Variants in PPIP5K2 observed in about 807,000 individuals in gnomAD.
PPIP5K2 encodes the protein diphosphoinositol pentakisphosphate kinase 2.
A neutral mutation model predicts 154.6 loss-of-function variants in PPIP5K2; 105 were observed. The observed-to-expected ratio is 0.68, with a 90% CI of 0.58 to 0.80. PPIP5K2 has a LOEUF of 0.80. Among genes scored for constraint, PPIP5K2 ranks in the 30% least tolerant of loss-of-function variants. The pLI is 0.00. For synonymous variants in PPIP5K2, 480 were observed against 490.3 expected (o/e 0.98, Z 0.28); for missense variants, 992 against 1,504.6 (o/e 0.66, Z 5.64).
At chr5:103,128,386 CTTATTTAT>C (rs10607990) in intron 1 of PPIP5K2, among the ~76,000 whole-genome samples, 5,644 of 148,366 alleles carry the variant, frequency 0.038, 348 homozygotes, top group African/African-American at 0.13. Context: ...TCTTATAGTT[CTTATTTAT>C]TTATTTATTT....
intron 5 of PPIP5K2, among the ~76,000 whole-genome samples, chr5:103,142,448 T>C (rs532571401): frequency 6.6e-6 from 1 of 151,356 alleles, no homozygotes; most frequent in Non-Finnish European, 1.5e-5. Context: ...CCTGAGGGAG[T>C]GGGCTCCAGC....
intron 17 of PPIP5K2, among the ~76,000 whole-genome samples, chr5:103,160,212 AGT>A (rs565685130): frequency 1.4e-4 from 21 of 152,304 alleles, no homozygotes; most frequent in African/African-American, 5.1e-4. Flanking sequence ...TATTGTGAAC[AGT>A]GTTACAATAA....
At position 103,184,735 on chromosome 5, in the gene PPIP5K2, C is replaced by A. The variant is rs1450067914; in HGVS notation, c.3160C>A (p.Pro1054Thr). 7 of 1,611,086 alleles carry A rather than the reference C, an allele frequency of 4.3e-6. No individual in the cohort carries two copies. The highest frequency in any genetic ancestry group is 1.7e-4 in the Middle Eastern group (1 of 6,050). Residue 1054 changes from proline (P) to threonine (T), a missense_variant, in exon 26 of 31, where the codon CCT becomes ACT. Transcript: ENST00000358359. The part of the protein sequence containing the change: ...PRTLVEQKQN[P>T]TVGSHCAGLF... ...AACTCTTGTGGAACAGAAGCAGAATCCTACTGTAGGTATGTGGTGTAAAGG... is the reference window on the plus strand; with the variant it reads ...AACTCTTGTGGAACAGAAGCAGAATACTACTGTAGGTATGTGGTGTAAAGG...
At chr5:103,161,783 C>A (rs1434124652) in intron 17 of PPIP5K2, among the ~76,000 whole-genome samples, 1 of 151,910 alleles carries the variant, frequency 6.6e-6, no homozygotes, top group African/African-American at 2.4e-5. Flanking sequence ...ATCCTTCACC[C>A]ACTTTTTGAT....
intron 21 of PPIP5K2, chr5:103,177,043 T>A: frequency 1.8e-6 from 1 of 565,696 alleles, no homozygotes; most frequent in Non-Finnish European, 2.9e-6. Context: ...ATGGCATTCC[T>A]GTTATAGGAT....
Position 103,133,531 on chromosome 5 carries a change from G to C in PPIP5K2, c.193G>C (p.Glu65Gln), listed in dbSNP as rs1554203274. 6.2e-7 allele frequency: 1 copy of C among 1,612,578 alleles called. No individual in the cohort carries two copies. Among genetic ancestry groups the C allele is most frequent in the Non-Finnish European group, 8.5e-7 (1 of 1,179,548 alleles). Residue 65 changes from glutamate to glutamine, a missense_variant, in exon 3 of 31, where the codon GAA becomes CAA. Physicochemically the swap from Glu to Gln is conservative, Grantham distance 29. Coordinates refer to ENST00000358359, the MANE Select transcript of PPIP5K2 (RefSeq NM_001276277.3). ...SKSKPMKEILERISLFKYITV... is the reference protein window; with the variant it reads ...SKSKPMKEILQRISLFKYITV... ...ATCCAAACCAATGAAGGAAATTCTT[G>C]AACGGATCTCCTTATTTAAATATAT...
chr5:103,204,311 T>C lies in PPIP5K2; in HGVS notation c.*2677T>C, dbSNP rs1450059304. On this transcript the variant is annotated 3_prime_UTR_variant, in exon 31 of 31. Transcript: ENST00000358359. ...ATCATTTTATCCTTGCCTTACTATC[T>C]GGACAGTGTAGACTGCCTATATTCT... 6.7e-6 allele frequency: 1 copy of C among 148,640 alleles called. No individual in the cohort carries two copies. The highest frequency in any genetic ancestry group is 1.5e-5 in the Non-Finnish European group (1 of 67,274). The allele number at this position is 148,640 out of a possible 1,614,324, so 9.2% of individuals were successfully genotyped here. A position where few individuals can be genotyped will look rare whatever the true frequency, so the allele number is the denominator to read the frequency against.
Position 103,158,516 on chromosome 5 carries a change from C to T in PPIP5K2, c.1680C>T (p.Leu560=), listed in dbSNP as rs782513775. 3 of 1,612,938 alleles carry T rather than the reference C, an allele frequency of 1.9e-6. No individual in the cohort carries two copies. The highest frequency in any genetic ancestry group is 1.7e-4 in the Middle Eastern group (1 of 6,048). ...TACATAGCACCTACAGACATGACCT[C>T]AAAATATATGCCTCTGATGAAGGAC... ...LRLHSTYRHD[L]KIYASDEGRV... Residue 560 remains leucine (L), a synonymous_variant, in exon 16 of 31, where the codon CTC becomes CTT. Transcript: ENST00000358359.
chr5:103,203,691 A>G lies in PPIP5K2; in HGVS notation c.*2057A>G, dbSNP rs1470091586. 1.3e-5 allele frequency: 2 copies of G among 152,198 alleles called. No individual in the cohort carries two copies. The highest frequency in any genetic ancestry group is 1.3e-4 in the Admixed American group (2 of 15,264). The allele number at this position is 152,198 out of a possible 1,614,324, so 9.4% of individuals were successfully genotyped here. On this transcript the variant is annotated 3_prime_UTR_variant, in exon 31 of 31. Coordinates refer to ENST00000358359, the MANE Select transcript of PPIP5K2 (RefSeq NM_001276277.3). Reference sequence around the variant, plus strand: ...AGAGGTGAACTAGCCCAGCATGAAGAATTGTCTAGTCACCCTGAGATATTA... The same window carrying G: ...AGAGGTGAACTAGCCCAGCATGAAGGATTGTCTAGTCACCCTGAGATATTA...
At position 103,177,670 on chromosome 5, in the gene PPIP5K2, T is replaced by A. The variant is rs782199305; in HGVS notation, c.2533T>A (p.Ser845Thr). 9 of 1,596,464 alleles carry A rather than the reference T, an allele frequency of 5.6e-6. No homozygotes were observed. Among genetic ancestry groups the A allele is most frequent in the Admixed American group, 1.7e-5 (1 of 58,034 alleles). Residue 845 changes from serine (S) to threonine (T), a missense_variant, in exon 22 of 31, where the codon TCA (serine) becomes ACA (threonine). Ser to Thr is a moderately conservative substitution (Grantham distance 58, BLOSUM62 1). Around this residue, in one of 9 missense-constraint regions of PPIP5K2, gnomAD observed 157 missense variants for 281.2 expected, o/e 0.56. Transcript: ENST00000358359. ...ILRYGALCNE[S>T]KDEQWKRAMD... The stretch of plus-strand genomic sequence containing the variant: ...ACCACATGTATCTTTTGTTCAGGAA[T>A]CAAAGGATGAACAGTGGAAACGAGC...
rs1477106419 is a variant in PPIP5K2 at position 103,173,194 on chromosome 5, AAAGGCTAC to A, written c.2327_2334del (p.Lys776MetfsTer6). On this transcript the variant is annotated frameshift_variant, in exon 20 of 31. Transcript: ENST00000358359. LOFTEE classifies it high-confidence loss of function. ...TAAAGCTGAAAAACTGGAGATTGCC[AAAGGCTAC>A]TGTACTCCTCTGGTTAGAAAAATTC... 4 of 1,609,696 alleles carry A rather than the reference AAAGGCTAC, an allele frequency of 2.5e-6. No individual in the cohort carries two copies. Among genetic ancestry groups the A allele is most frequent in the Non-Finnish European group, 2.5e-6 (3 of 1,177,812 alleles).
intron 8 of PPIP5K2, 152 bp downstream of exon 8, chr5:103,149,465 G>A (rs975973718): frequency 1.7e-6 from 1 of 575,824 alleles, no homozygotes; most frequent in South Asian, 4.9e-5. Flanking sequence ...AGGGATTCTT[G>A]TGGTGCCAAT....
chr5:103,173,096 T>G, intron 19 of PPIP5K2, 59 bp from the exon 20 acceptor site: 19 of 1,399,646 alleles, frequency 1.4e-5, no homozygotes, highest in Non-Finnish European at 1.8e-5. Flanking sequence ...TAGGAGTGTA[T>G]TTTTTTAGAG....
At chr5:103,155,839 A>G in intron 13 of PPIP5K2, 70 bp from the exon 14 acceptor site, 4 of 968,922 alleles carry the variant, frequency 4.1e-6, no homozygotes, top group South Asian at 1.4e-5. Flanking sequence ...TACAAATAAA[A>G]GGGAGCATGA....
At chr5:103,133,038 T>C (rs920551810) in intron 2 of PPIP5K2, among the ~76,000 whole-genome samples, 7 of 152,240 alleles carry the variant, frequency 4.6e-5, no homozygotes, top group Admixed American at 6.5e-5. Flanking sequence ...TTAATACTTA[T>C]AGCTTTGTAG....
intron 11 of PPIP5K2, among the ~76,000 whole-genome samples, 158 bp from the exon 12 acceptor site, chr5:103,154,512 G>A (rs1795101695): frequency 6.6e-6 from 1 of 152,020 alleles, no homozygotes; most frequent in Non-Finnish European, 1.5e-5. Context: ...TCAAAGTTGA[G>A]CAGCAACATG....
At chr5:103,173,653 C>G (rs1798287690) in intron 20 of PPIP5K2, among the ~76,000 whole-genome samples, 1 of 151,926 alleles carries the variant, frequency 6.6e-6, no homozygotes, top group African/African-American at 2.4e-5. Flanking sequence ...TTTGACTACT[C>G]TCAGAGGTCC....
At chr5:103,144,372 A>G (rs576911663) in intron 5 of PPIP5K2, among the ~76,000 whole-genome samples, 2 of 152,220 alleles carry the variant, frequency 1.3e-5, no homozygotes, top group Non-Finnish European at 2.9e-5. Context: ...AGCCATCTAC[A>G]GATTCAATGC....
rs140933318 is a variant in PPIP5K2, at chr5:103,211,383, C to T, written c.*9749C>T. ...ATCATAGGGATCAGATGACATGTTACTGGGTGAAGCCAGGAAGCTACCATA... is the reference window on the plus strand; with the variant it reads ...ATCATAGGGATCAGATGACATGTTATTGGGTGAAGCCAGGAAGCTACCATA... On this transcript the variant is annotated 3_prime_UTR_variant, in exon 31 of 31. Transcript: ENST00000358359. 5.6e-4 allele frequency: 85 copies of T among 152,162 alleles called. 1 individual carries two copies. The highest frequency in any genetic ancestry group is 2.0e-3 in the African/African-American group (82 of 41,530). The allele number at this position is 152,162 out of a possible 1,614,324, so 9.4% of individuals were successfully genotyped here.
Sources: gnomAD v4.1 joint callset for allele counts (sites outside exome capture counted in the v4.1 genomes callset) on GRCh38, gnomAD v4.1.1 for gene constraint, gnomAD v4.1.1 regional missense constraint, MANE v1.5 for transcripts, NCBI Gene and HGNC (gene_info 2026-07-23, HGNC 2026-07-21) for gene names.